Variants in SRPK2 observed in about 807,000 individuals in gnomAD.
The protein encoded by SRPK2 is SFRS protein kinase 2.
SRPK2 carries 21 observed loss-of-function variants against 90.8 expected under a neutral mutation model. That is an observed-to-expected ratio of 0.23 (90% CI 0.16 to 0.33). The LOEUF is 0.33. Among genes scored for constraint, SRPK2 ranks in the 10% least tolerant of loss-of-function variants. SRPK2 has a pLI of 1.00. For missense variants in SRPK2, 620 were observed against 869.0 expected (o/e 0.71, Z 3.60); for synonymous variants, 288 against 311.1 (o/e 0.93, Z 0.78).
chr7:105,274,326 C>T (rs755454183), intron 2 of SRPK2, among the ~76,000 whole-genome samples: 10 of 152,240 alleles, frequency 6.6e-5, no homozygotes, highest in Admixed American at 2.0e-4. Flanking sequence ...CTTTGGGAGG[C>T]CCACGTGGGC....
chr7:105,248,347 T>G (rs1801997510), intron 2 of SRPK2, among the ~76,000 whole-genome samples: 1 of 151,514 alleles, frequency 6.6e-6, no homozygotes, highest in Admixed American at 6.6e-5. Context: ...TTCCAATACT[T>G]TCAGAGGATG....
chr7:105,372,769 A>T (rs959700296), intron 2 of SRPK2, among the ~76,000 whole-genome samples: 3 of 152,120 alleles, frequency 2.0e-5, no homozygotes, highest in Non-Finnish European at 4.4e-5. Context: ...TCCTCTTTGC[A>T]AACAGAATAC....
chr7:105,237,233 T>A (rs1800250862), intron 2 of SRPK2, among the ~76,000 whole-genome samples: 1 of 152,248 alleles, frequency 6.6e-6, no homozygotes, highest in Admixed American at 6.5e-5. Flanking sequence ...TGATTTTTTA[T>A]TTTGAAAAAT....
intron 2 of SRPK2, among the ~76,000 whole-genome samples, chr7:105,344,531 T>C (rs1816229416): frequency 6.6e-6 from 1 of 150,946 alleles, no homozygotes; most frequent in African/African-American, 2.4e-5. Flanking sequence ...ACCTGGGCTA[T>C]GCACTGAAAT....
At chr7:105,167,497 G>T in intron 5 of SRPK2, 33 bp from the exon 6 acceptor site, 1 of 1,546,194 alleles carries the variant, frequency 6.5e-7, no homozygotes, top group East Asian at 2.2e-5. Context: ...AAGAACACAG[G>T]AGTTTGAGAC....
At chr7:105,383,971 G>A (rs1317712738) in intron 2 of SRPK2, among the ~76,000 whole-genome samples, 1 of 152,164 alleles carries the variant, frequency 6.6e-6, no homozygotes, top group Non-Finnish European at 1.5e-5. Flanking sequence ...AAGGGGAATG[G>A]AGAATAACTG....
chr7:105,252,927 G>C (rs930120940), intron 2 of SRPK2, among the ~76,000 whole-genome samples: 3 of 151,670 alleles, frequency 2.0e-5, no homozygotes, highest in Admixed American at 2.0e-4. Context: ...ATTTTTAGTA[G>C]AGACAAGGTT....
chr7:105,349,606 A>G (rs1816915466), intron 2 of SRPK2, among the ~76,000 whole-genome samples: 1 of 152,096 alleles, frequency 6.6e-6, no homozygotes, highest in African/African-American at 2.4e-5. Context: ...TATCCTATGT[A>G]ATCAGAGATT....
At chr7:105,183,751 A>G (rs1793199738) in intron 3 of SRPK2, among the ~76,000 whole-genome samples, 1 of 152,100 alleles carries the variant, frequency 6.6e-6, no homozygotes, top group Admixed American at 6.6e-5. Flanking sequence ...TGGCCTCCCA[A>G]ACTGCTAGGG....
intron 2 of SRPK2, among the ~76,000 whole-genome samples, chr7:105,296,922 T>C (rs532661309): frequency 6.6e-6 from 1 of 152,318 alleles, no homozygotes; most frequent in African/African-American, 2.4e-5. Context: ...ATGGTAAAGC[T>C]GGAAAACAAA....
chr7:105,183,936 A>C (rs1793227155), intron 3 of SRPK2, among the ~76,000 whole-genome samples: 3 of 150,412 alleles, frequency 2.0e-5, no homozygotes, highest in Admixed American at 1.3e-4. Flanking sequence ...TAAATCTCAG[A>C]TTCCATAACT....
intron 7 of SRPK2, among the ~76,000 whole-genome samples, chr7:105,154,818 G>A (rs1806258084): frequency 6.6e-6 from 1 of 151,734 alleles, no homozygotes; most frequent in Non-Finnish European, 1.5e-5. Context: ...GGGACTACAA[G>A]CACGTGCCAC....
intron 2 of SRPK2, among the ~76,000 whole-genome samples, chr7:105,341,989 C>A (rs1815857777): frequency 6.7e-6 from 1 of 149,498 alleles, no homozygotes; most frequent in African/African-American, 2.5e-5. Context: ...AAGGGCTGGG[C>A]AGGGTGACTC....
intron 2 of SRPK2, among the ~76,000 whole-genome samples, chr7:105,315,550 T>C (rs1023172058): frequency 2.0e-5 from 3 of 152,178 alleles, no homozygotes; most frequent in Admixed American, 6.5e-5. Context: ...CAGGCAAACA[T>C]GAGAATTCTG....
At chr7:105,138,701 G>A (rs912868570) in intron 11 of SRPK2, among the ~76,000 whole-genome samples, 1 of 152,182 alleles carries the variant, frequency 6.6e-6, no homozygotes, top group African/African-American at 2.4e-5. Context: ...CTTGGGGGCT[G>A]AGGTGGGAGG....
chr7:105,135,849 C>A (rs1284945220), intron 11 of SRPK2, among the ~76,000 whole-genome samples: 1 of 151,600 alleles, frequency 6.6e-6, no homozygotes, highest in Non-Finnish European at 1.5e-5. Context: ...ACTGCAGCCT[C>A]CACCTCCTAG....
intron 2 of SRPK2, among the ~76,000 whole-genome samples, chr7:105,259,014 A>G (rs1803792395): frequency 6.6e-6 from 1 of 152,208 alleles, no homozygotes; most frequent in Non-Finnish European, 1.5e-5. Context: ...CCTATTCAAC[A>G]TAGTGTTGGA....
In SRPK2 at chr7:105,143,125, C is replaced by A; in HGVS notation, c.1019G>T (p.Gly340Val). The A allele has an allele frequency of 6.2e-7, 1 of 1,614,138 alleles. No homozygotes were observed. The highest frequency in any genetic ancestry group is 8.5e-7 in the Non-Finnish European group (1 of 1,180,024). Residue 340 changes from glycine (G) to valine (V), a missense_variant, in exon 10 of 16, where the codon GGA becomes GTA. Gly to Val is a moderately radical substitution (Grantham distance 109). Transcript: ENST00000393651. ...YCPEVKLKTT[G>V]LEEAAEAETA... ...CTCTGCCTCAGCCGCCTCCTCTAAT[C>A]CTGTTGTTTTTAGTTTCACCTCTGG...
intron 3 of SRPK2, among the ~76,000 whole-genome samples, chr7:105,172,078 G>C (rs1205201208): frequency 1.3e-5 from 2 of 152,050 alleles, no homozygotes; most frequent in Admixed American, 1.3e-4. Flanking sequence ...GTTTTTAGTA[G>C]AGACAGGGTT....
Sources: allele counts gnomAD v4.1 joint callset (sites outside exome capture counted in the v4.1 genomes callset), GRCh38; gene constraint gnomAD v4.1.1; transcripts MANE v1.5; gene names NCBI Gene and HGNC (gene_info 2026-07-23, HGNC 2026-07-21).